The following TMEM63C variants were observed in gnomAD, a reference collection of about 807,000 sequenced individuals.
TMEM63C encodes the protein transmembrane protein 63C.
A neutral mutation model predicts 99.2 loss-of-function variants in TMEM63C; 32 were observed. That is an observed-to-expected ratio of 0.32 (90% CI 0.24 to 0.43). TMEM63C has a LOEUF of 0.43. Among genes scored for constraint, TMEM63C ranks in the 20% least tolerant of loss-of-function variants. TMEM63C has a pLI of 1.00. For missense variants in TMEM63C, 826 were observed against 1,053.0 expected (o/e 0.78, Z 2.98); for synonymous variants, 376 against 397.9 (o/e 0.94, Z 0.66).
chr14:77,192,417 C>T (rs1888126892), intron 1 of TMEM63C, among the ~76,000 whole-genome samples: 1 of 151,282 alleles, frequency 6.6e-6, no homozygotes, highest in Non-Finnish European at 1.5e-5. Flanking sequence ...TTGTATCCAT[C>T]CTCCTACATA....
In TMEM63C at chr14:77,216,500, G is replaced by A. The variant is rs544867368; in HGVS notation, c.-13-2301G>A. On this transcript the variant is annotated intron_variant, in intron 2 of 23. Coordinates refer to ENST00000298351, the MANE Select transcript of TMEM63C (RefSeq NM_020431.4). ...TAACCTATCCAAATCCCTGCTCCCC[G>A]TCCCCACTTAGCATGTTCCAAACTC... Among the ~76,000 whole-genome samples the A allele has an allele frequency of 5.3e-5, 8 of 151,822 alleles. No homozygotes were observed. In the South Asian group the frequency reaches 1.0e-3, roughly 20 times the overall value.
chr14:77,232,503 G>T (rs573842571), intron 7 of TMEM63C, among the ~76,000 whole-genome samples: 1 of 152,142 alleles, frequency 6.6e-6, no homozygotes, highest in African/African-American at 2.4e-5. Flanking sequence ...GGCCAGGCTG[G>T]TCTCAAACTC....
At chr14:77,193,371 C>G (rs1211856930) in intron 1 of TMEM63C, among the ~76,000 whole-genome samples, 1 of 152,178 alleles carries the variant, frequency 6.6e-6, no homozygotes, top group Non-Finnish European at 1.5e-5. Context: ...TATCCTCTAG[C>G]TGGCCTCATA....
At position 77,236,856 on chromosome 14, in the gene TMEM63C, G is replaced by A. The variant is rs1594865245; in HGVS notation, c.651+124G>A. 10 of 697,326 alleles carry A rather than the reference G, an allele frequency of 1.4e-5. No homozygotes were observed. In the East Asian group the frequency reaches 2.6e-4, roughly 18 times the overall value. 43.2% of individuals were successfully genotyped at this position (697,326 alleles called of 1,614,324 possible). A position where few individuals can be genotyped will look rare whatever the true frequency, so the allele number is the denominator to read the frequency against. ...AGGGAGACTGTGATAGATGGGAGGG[G>A]GCGGTTTCACCTGAGCAGGGGCCAA... is the stretch of plus-strand genomic sequence containing the variant. On this transcript the variant is annotated intron_variant, in intron 9 of 23. Transcript: ENST00000298351.
At chr14:77,219,684 C>A in intron 4 of TMEM63C, 107 bp downstream of exon 4, 2 of 1,204,016 alleles carry the variant, frequency 1.7e-6, no homozygotes, top group Non-Finnish European at 2.4e-6. Flanking sequence ...GGTGTCTCGC[C>A]AGCAAGTGGC....
intron 1 of TMEM63C, among the ~76,000 whole-genome samples, chr14:77,205,763 C>A (rs1162393491): frequency 6.6e-6 from 1 of 152,176 alleles, no homozygotes; most frequent in Non-Finnish European, 1.5e-5. Context: ...AGAGGGCCTC[C>A]CCTGGTCCCA....
intron 8 of TMEM63C, among the ~76,000 whole-genome samples, chr14:77,236,206 G>C (rs1303603012): frequency 5.3e-5 from 1 of 18,842 alleles, no homozygotes; most frequent in African/African-American, 2.2e-4. Context: ...TAATGGATGG[G>C]GGTATGGGGA....
chr14:77,233,959 A>G (rs1280723612), intron 8 of TMEM63C, among the ~76,000 whole-genome samples: 2 of 152,106 alleles, frequency 1.3e-5, no homozygotes, highest in Non-Finnish European at 2.9e-5. Flanking sequence ...CTAGGTCTGA[A>G]GCAGTGCACC....
Position 77,218,951 on chromosome 14 carries a change from C to T in TMEM63C, c.138C>T (p.Ile46=), listed in dbSNP as rs1377281007. 5.0e-6 allele frequency: 8 copies of T among 1,594,116 alleles called. No homozygotes were observed. Among genetic ancestry groups the T allele is most frequent in the Non-Finnish European group, 6.0e-6 (7 of 1,170,202 alleles). The change falls in exon 3 of 24, where the codon ATC becomes ATT. Residue 46 remains isoleucine, a synonymous_variant. Transcript: ENST00000298351. ...TCCCCACCGTGCTGTGCCTCAACAT[C>T]GCCCTGTGGGTGGTGAGTCCTGGGC... ...GGVPTVLCLN[I]ALWVLVLVVY...
intron 21 of TMEM63C, among the ~76,000 whole-genome samples, chr14:77,250,767 A>T (rs913241563): frequency 3.3e-5 from 5 of 152,110 alleles, no homozygotes; most frequent in Non-Finnish European, 5.9e-5. Flanking sequence ...CCCATTTGCC[A>T]TCACCCCCAA....
intron 9 of TMEM63C, 74 bp downstream of exon 9, chr14:77,236,806 C>A: frequency 2.9e-6 from 3 of 1,030,616 alleles, no homozygotes; most frequent in Non-Finnish European, 3.0e-6. Flanking sequence ...CACTTCCAAC[C>A]CTCAGAGAAG....
intron 8 of TMEM63C, among the ~76,000 whole-genome samples, chr14:77,235,182 T>C (rs428908): frequency 0.065 from 9,805 of 151,730 alleles, 412 homozygotes; most frequent in Admixed American, 0.1. Context: ...AGCAAGACCC[T>C]TTCTCACCAC....
In TMEM63C at chr14:77,253,185, A is replaced by T; in HGVS notation, c.2149-120A>T. On this transcript the variant is annotated intron_variant, in intron 22 of 23. Coordinates refer to ENST00000298351, the MANE Select transcript of TMEM63C (RefSeq NM_020431.4). ...TGCCAGGCTGAAGGTCTGGAAAGAC[A>T]GAAGATGAGTTGAGTTCCAAGGTGG... 7.0e-6 allele frequency: 6 copies of T among 862,016 alleles called. No individual in the cohort carries two copies. The South Asian group carries it at 7.3e-5, about 10-fold the overall frequency. 53.4% of individuals were successfully genotyped at this position (862,016 alleles called of 1,614,324 possible). A position where few individuals can be genotyped will look rare whatever the true frequency, so the allele number is the denominator to read the frequency against.
chr14:77,225,504 G>A, intron 6 of TMEM63C, 43 bp downstream of exon 6: 6 of 1,607,902 alleles, frequency 3.7e-6, no homozygotes, highest in South Asian at 1.1e-5. Flanking sequence ...TGTTGCCTTG[G>A]GGGTGGGGGG....
intron 1 of TMEM63C, among the ~76,000 whole-genome samples, chr14:77,209,545 G>T (rs1888460490): frequency 6.6e-6 from 1 of 152,150 alleles, no homozygotes; most frequent in South Asian, 2.1e-4. Context: ...TGGATTTGTT[G>T]GTAAGCTGGC....
intron 14 of TMEM63C, 150 bp from the exon 15 acceptor site, chr14:77,242,753 C>T (rs1278216000): frequency 4.0e-5 from 36 of 909,084 alleles, no homozygotes; most frequent in Admixed American, 1.0e-4. Context: ...TGACAGGGGA[C>T]GGTCCAGGGT....
Position 77,248,836 on chromosome 14 carries a change from G to A in TMEM63C, c.1834G>A (p.Ala612Thr), listed in dbSNP as rs772463255. The change falls in exon 20 of 24, where the codon GCG becomes ACG. Residue 612 changes from alanine to threonine, a missense_variant. By Grantham distance (58) the Ala-to-Thr change is moderately conservative. Coordinates refer to ENST00000298351, the MANE Select transcript of TMEM63C (RefSeq NM_020431.4). ...WMMNVFSVVM[A>T]YSITCPIIVP... ...GATGAACGTGTTCAGCGTGGTGATG[G>A]CGTACAGCATCACTTGCCCCATCAT... 1.2e-6 allele frequency: 2 copies of A among 1,614,058 alleles called. No homozygotes were observed. The highest frequency in any genetic ancestry group is 1.7e-6 in the Non-Finnish European group (2 of 1,179,906).
At chr14:77,201,708 C>T (rs1888303174) in intron 1 of TMEM63C, among the ~76,000 whole-genome samples, 1 of 152,212 alleles carries the variant, frequency 6.6e-6, no homozygotes, top group South Asian at 2.1e-4. Context: ...AAGTGTGAGA[C>T]CCATTGCTGT....
In TMEM63C at chr14:77,219,477, A is replaced by G. The variant is rs745777110; in HGVS notation, c.151-21A>G. On this transcript the variant is annotated intron_variant, in intron 3 of 23. Coordinates refer to ENST00000298351, the MANE Select transcript of TMEM63C (RefSeq NM_020431.4). ...GGATCCATGAAGTCTCCCACCCCAC[A>G]TTGCTTTTCCTGGCCTGTAGCTCGT... 5.0e-6 allele frequency: 8 copies of G among 1,613,574 alleles called. No individual in the cohort carries two copies. The South Asian group carries it at 7.7e-5, about 16-fold the overall frequency.
Sources: allele counts gnomAD v4.1 joint callset (sites outside exome capture counted in the v4.1 genomes callset), GRCh38; gene constraint gnomAD v4.1.1; transcripts MANE v1.5; gene names NCBI Gene and HGNC (gene_info 2026-07-23, HGNC 2026-07-21).